Variants in CPNE5 observed in about 807,000 individuals in gnomAD.
CPNE5 encodes copine 5, also known as copine-5.
In CPNE5, 42 loss-of-function variants were observed where a neutral mutation model predicts 81.1. The observed-to-expected ratio is 0.52, with a 90% confidence interval of 0.40 to 0.67. The LOEUF is 0.67. Among genes scored for constraint, CPNE5 ranks in the 30% least tolerant of loss-of-function variants. The pLI is 0.00. For missense variants in CPNE5, 612 were observed against 815.5 expected, an observed-to-expected ratio of 0.75 and a Z score of 3.04; for synonymous variants, 313 against 321.5, an observed-to-expected ratio of 0.97 and a Z score of 0.28.
intron 19 of CPNE5, among the ~76,000 whole-genome samples, chr6:36,743,963 C>T (rs932488125): frequency 7.2e-5 from 11 of 152,232 alleles, no homozygotes; most frequent in African/African-American, 2.7e-4. Flanking sequence ...GAGCCCAGTG[C>T]TTTGGTTCAC....
At chr6:36,797,148 C>G (rs114752858) in intron 6 of CPNE5, among the ~76,000 whole-genome samples, 1,922 of 152,346 alleles carry the variant, frequency 0.013, 44 homozygotes, top group African/African-American at 0.042. Context: ...CTCAGGCGAT[C>G]CATCGCCTTG....
At chr6:36,774,083 T>TAAAAA (rs71540168) in intron 10 of CPNE5, among the ~76,000 whole-genome samples, 1 of 139,688 alleles carries the variant, frequency 7.2e-6, no homozygotes, top group Non-Finnish European at 1.5e-5. Flanking sequence ...CCATCTCAAT[T>TAAAAA]AAAAAAAAAA....
chr6:36,827,528 T>C, intron 1 of CPNE5: 1 of 985,354 alleles, frequency 1.0e-6, no homozygotes, highest in Non-Finnish European at 1.2e-6. Flanking sequence ...ATGGCAGCCG[T>C]CCAAATACCA....
At chr6:36,838,796 G>A in intron 1 of CPNE5, 1 of 979,186 alleles carries the variant, frequency 1.0e-6, no homozygotes, top group Non-Finnish European at 1.2e-6. Context: ...GGACAGTGGG[G>A]TGGGGGAGAC....
chr6:36,824,227 G>T (rs927282500), intron 1 of CPNE5, among the ~76,000 whole-genome samples: 1 of 152,162 alleles, frequency 6.6e-6, no homozygotes, highest in Non-Finnish European at 1.5e-5. Flanking sequence ...CCAAAAGGCC[G>T]CACTCAACCA....
At chr6:36,809,211 GGA>G (rs747201360) in intron 3 of CPNE5, among the ~76,000 whole-genome samples, 1 of 151,650 alleles carries the variant, frequency 6.6e-6, no homozygotes, top group Non-Finnish European at 1.5e-5. Flanking sequence ...GAGAGAGAGA[GGA>G]GAGAGAGAGA....
chr6:36,805,124 A>C (rs1009997123), intron 3 of CPNE5, among the ~76,000 whole-genome samples: 4 of 152,238 alleles, frequency 2.6e-5, no homozygotes, highest in African/African-American at 9.6e-5. Flanking sequence ...CGTTGAAAAA[A>C]AAATCAATTT....
Position 36,746,615 on chromosome 6 carries a change from C to T in CPNE5, c.1019-38G>A, listed in dbSNP as rs763898408. ...ACATGGGAGCCTTTGACCATCTGGA[C>T]CCTCCAAGTCACCCCGGGTTCAGAA... On this transcript the variant is annotated intron_variant, in intron 15 of 20. Coordinates refer to ENST00000244751, the MANE Select transcript of CPNE5 (RefSeq NM_020939.2). This position sits in a 1 kb window ranked among gnomAD's most constrained non-coding sequence, Gnocchi z 4.5. 8.3e-6 allele frequency: 13 copies of T among 1,569,132 alleles called. No individual in the cohort carries two copies. Among genetic ancestry groups the T allele is most frequent in the Admixed American group, 2.1e-5 (1 of 48,606 alleles).
rs1176957759 is a variant in CPNE5 at position 36,742,139 on chromosome 6, C to T, written c.*129G>A. The T allele has an allele frequency of 5.9e-6, 4 of 673,304 alleles. No homozygotes were observed. Among genetic ancestry groups the T allele is most frequent in the South Asian group, 2.0e-5 (1 of 49,452 alleles). 41.7% of individuals were successfully genotyped at this position (673,304 alleles called of 1,614,324 possible). A position where few individuals can be genotyped will look rare whatever the true frequency, so the allele number is the denominator to read the frequency against. On this transcript the variant is annotated 3_prime_UTR_variant, in exon 21 of 21. Transcript: ENST00000244751. ...AGGAGGGGTCTTCAGAAGCCCCACC[C>T]CCTGGCAGCCTCCCAGGCACACAGA...
intron 7 of CPNE5, among the ~76,000 whole-genome samples, chr6:36,792,884 G>T (rs1258677935): frequency 1.3e-5 from 2 of 152,262 alleles, no homozygotes; most frequent in Non-Finnish European, 2.9e-5. Flanking sequence ...GGGAGTCCCA[G>T]TGTAGTCAGG....
chr6:36,819,027 C>G (rs1345495479), intron 3 of CPNE5, among the ~76,000 whole-genome samples: 3 of 152,228 alleles, frequency 2.0e-5, no homozygotes, highest in Non-Finnish European at 4.4e-5. Flanking sequence ...CTTTAATTGG[C>G]ATAGACTCTT....
At chr6:36,809,622 C>CA (rs903518918) in intron 3 of CPNE5, among the ~76,000 whole-genome samples, 89 of 149,028 alleles carry the variant, frequency 6.0e-4, no homozygotes, top group African/African-American at 1.5e-3. Context: ...AAACAACAAC[C>CA]AAAAAAAAAA....
At chr6:36,821,352 G>A (rs538909604) in intron 3 of CPNE5, among the ~76,000 whole-genome samples, 14 of 152,256 alleles carry the variant, frequency 9.2e-5, no homozygotes, top group African/African-American at 1.9e-4. Flanking sequence ...GCTTTTGCAC[G>A]ATGGGAGCCA....
At position 36,746,428 on chromosome 6, in the gene CPNE5, G is replaced by A; in HGVS notation, c.1168C>T (p.Pro390Ser). The A allele has an allele frequency of 6.2e-7, 1 of 1,612,888 alleles. No homozygotes were observed. Among genetic ancestry groups the A allele is most frequent in the Non-Finnish European group, 8.5e-7 (1 of 1,179,436 alleles). The change falls in exon 16 of 21, where the codon CCG becomes TCG. Residue 390 changes from proline (P) to serine (S), a missense_variant. Coordinates refer to ENST00000244751, the MANE Select transcript of CPNE5 (RefSeq NM_020939.2). The surrounding 1 kb of genome is among the most constrained non-coding windows in gnomAD (Gnocchi z 4.5). ...PALGFGAKLPPDGRVSHEFPL... is the reference protein window; with the variant it reads ...PALGFGAKLPSDGRVSHEFPL... ...AACTCGTGGGACACTCTGCCATCCG[G>A]GGGCAGCTTGGCCCCGAAGCCCAGG...
chr6:36,775,442 T>C (rs1767418484), intron 9 of CPNE5, among the ~76,000 whole-genome samples: 1 of 152,200 alleles, frequency 6.6e-6, no homozygotes, highest in Non-Finnish European at 1.5e-5. Context: ...TCAAAGATTC[T>C]CCATCTGCAA....
At chr6:36,751,669 A>T (rs1174096962) in intron 14 of CPNE5, among the ~76,000 whole-genome samples, 2 of 152,136 alleles carry the variant, frequency 1.3e-5, no homozygotes, top group Non-Finnish European at 2.9e-5. Context: ...GCATGCCTGT[A>T]GCCCCAGCTA....
Position 36,778,847 on chromosome 6 carries a change from A to G in CPNE5, c.632+7T>C, listed in dbSNP as rs1337412562. 1.1e-5 allele frequency: 17 copies of G among 1,576,982 alleles called. No homozygotes were observed. The highest frequency in any genetic ancestry group is 1.5e-5 in the Non-Finnish European group (17 of 1,147,606). ...GTGCAGTGCACAAGTGTCCCCAGAA[A>G]ACTCACGTTCCATCCTCGTTGCTTC... On this transcript the variant is annotated splice_region_variant and intron_variant, in intron 9 of 20. Transcript: ENST00000244751.
At chr6:36,791,950 C>T in intron 8 of CPNE5, 83 bp downstream of exon 8, 1 of 1,244,002 alleles carries the variant, frequency 8.0e-7, no homozygotes, top group African/African-American at 1.5e-5. Context: ...CCCTCGGTTC[C>T]CTCCAGGGGC....
chr6:36,755,291 C>T (rs144577193), intron 13 of CPNE5: 153 of 152,318 alleles, frequency 1.0e-3, no homozygotes, highest in Non-Finnish European at 1.6e-3. Context: ...GAGGAAGGAA[C>T]ACAGAGAGGA....
Sources: gnomAD v4.1 joint callset for allele counts (sites outside exome capture counted in the v4.1 genomes callset) on GRCh38, gnomAD v4.1.1 for gene constraint, Gnocchi (gnomAD v3.1) non-coding constraint, MANE v1.5 for transcripts, NCBI Gene and HGNC (gene_info 2026-07-23, HGNC 2026-07-21) for gene names.